The following DCC variants were observed in gnomAD, a reference collection of about 807,000 sequenced individuals.
The protein encoded by DCC is DCC netrin 1 receptor, also known as netrin receptor DCC.
Under a neutral mutation model 172.5 loss-of-function variants are expected in DCC, and 58 were observed. The observed-to-expected ratio is 0.34, with a 90% CI of 0.27 to 0.42. The LOEUF (loss-of-function observed/expected upper bound fraction) is 0.42. DCC is among the 10% of genes least tolerant of loss of function. DCC has a pLI of 1.00. For missense variants in DCC, 1,740 were observed against 1,791.0 expected, an observed-to-expected ratio of 0.97 and a Z score of 0.51; for synonymous variants, 709 against 644.5, an observed-to-expected ratio of 1.10 and a Z score of -1.52.
intron 5 of DCC, among the ~76,000 whole-genome samples, chr18:52,926,335 A>G (rs922097485): frequency 6.6e-6 from 1 of 151,920 alleles, no homozygotes; most frequent in African/African-American, 2.4e-5. Flanking sequence ...AATAATGTAT[A>G]TCATGGGTTA....
At chr18:53,274,157 C>T (rs913896813) in intron 12 of DCC, among the ~76,000 whole-genome samples, 2 of 152,056 alleles carry the variant, frequency 1.3e-5, no homozygotes, top group African/African-American at 4.8e-5. Flanking sequence ...CAATAAATTG[C>T]ATATATATAT....
At chr18:52,862,541 T>C (rs1598877322) in intron 2 of DCC, among the ~76,000 whole-genome samples, 1 of 151,902 alleles carries the variant, frequency 6.6e-6, no homozygotes, top group South Asian at 2.1e-4. Flanking sequence ...CTACTAAAAA[T>C]ACAAAAATTA....
At chr18:53,053,403 A>G (rs1370492769) in intron 5 of DCC, among the ~76,000 whole-genome samples, 1 of 151,874 alleles carries the variant, frequency 6.6e-6, no homozygotes, top group South Asian at 2.1e-4. Flanking sequence ...TCATTCTTTG[A>G]CTGCTGTGGG....
rs879291830 is a variant in DCC at position 52,813,829 on chromosome 18, CT to C, written c.412+61456del. Among the ~76,000 whole-genome samples the C allele has an allele frequency of 2.6e-3, 397 of 152,290 alleles. 1 individual carries two copies. The highest frequency in any genetic ancestry group is 0.014 in the Middle Eastern group (4 of 294). ...TGCTTCAGCTGGATATTGGTCTTTT[CT>C]GGCCTTCAGACCAGACTGCAATGAT... On this transcript the variant is annotated intron_variant, in intron 2 of 28. Coordinates refer to ENST00000442544, the MANE Select transcript of DCC (RefSeq NM_005215.4).
chr18:53,472,132 CA>C (rs2045704710), intron 25 of DCC, among the ~76,000 whole-genome samples: 1 of 152,120 alleles, frequency 6.6e-6, no homozygotes, highest in Non-Finnish European at 1.5e-5. Flanking sequence ...ATAATAAGTG[CA>C]AAAACTTACA....
At chr18:53,303,349 ACGTCTTTTTGG>A (rs1383157606) in intron 12 of DCC, among the ~76,000 whole-genome samples, 10 of 152,226 alleles carry the variant, frequency 6.6e-5, no homozygotes, top group Non-Finnish European at 1.2e-4. Context: ...GGTATTAATG[ACGTCTTTTTGG>A]ATTTCATTCT....
At chr18:52,707,119 C>T (rs1196107370) in intron 1 of DCC, among the ~76,000 whole-genome samples, 1 of 152,092 alleles carries the variant, frequency 6.6e-6, no homozygotes, top group Non-Finnish European at 1.5e-5. Context: ...TACTGTGATT[C>T]AGGAAAGGAA....
intron 1 of DCC, among the ~76,000 whole-genome samples, chr18:52,401,886 G>A (rs1218411217): frequency 1.3e-5 from 2 of 151,846 alleles, no homozygotes; most frequent in Non-Finnish European, 2.9e-5. Context: ...CTACAAAAAT[G>A]TAAAATTGTG....
chr18:53,428,324 A>G (rs1599139017), intron 21 of DCC, among the ~76,000 whole-genome samples: 1 of 37,464 alleles, frequency 2.7e-5, no homozygotes, highest in African/African-American at 9.8e-5. Flanking sequence ...TATATAATAT[A>G]ATATAATATA....
intron 1 of DCC, among the ~76,000 whole-genome samples, chr18:52,350,886 G>A (rs752824215): frequency 2.0e-5 from 3 of 152,026 alleles, no homozygotes; most frequent in Non-Finnish European, 2.9e-5. Flanking sequence ...CCAGACTTTC[G>A]TGACCCTTTC....
chr18:52,896,038 G>A (rs2039723868), intron 2 of DCC, among the ~76,000 whole-genome samples: 1 of 152,116 alleles, frequency 6.6e-6, no homozygotes, highest in South Asian at 2.1e-4. Flanking sequence ...GCCTGCTTAG[G>A]CCTCCCAAAG....
chr18:52,688,655 A>C lies in DCC; in HGVS notation c.92-63399A>C, dbSNP rs139348422. Among the ~76,000 whole-genome samples, 1,223 of 152,188 alleles carry C rather than the reference A, an allele frequency of 8.0e-3. 18 individuals carry two copies. The highest frequency in any genetic ancestry group is 0.028 in the African/African-American group (1,165 of 41,534). On this transcript the variant is annotated intron_variant, in intron 1 of 28. Transcript: ENST00000442544. ...AGCTGCCCTTGTCACTAAAATAAAC[A>C]AAAAAAGGGTAACTGTATGAAATGA...
At chr18:52,890,791 C>T (rs2039637585) in intron 2 of DCC, among the ~76,000 whole-genome samples, 1 of 152,048 alleles carries the variant, frequency 6.6e-6, no homozygotes, top group South Asian at 2.1e-4. Context: ...CATCTCAAAT[C>T]CCCAAATTCT....
intron 12 of DCC, among the ~76,000 whole-genome samples, chr18:53,249,560 G>T (rs2056404029): frequency 6.6e-6 from 1 of 151,878 alleles, no homozygotes; most frequent in South Asian, 2.1e-4. Context: ...GAAATGTGGG[G>T]TAGAATTAAT....
At chr18:52,575,223 A>T (rs1289956601) in intron 1 of DCC, among the ~76,000 whole-genome samples, 1 of 152,186 alleles carries the variant, frequency 6.6e-6, no homozygotes, top group Non-Finnish European at 1.5e-5. Context: ...TTCTCTCTGT[A>T]TCCATTCTGT....
At chr18:52,989,105 G>A (rs2041340963) in intron 5 of DCC, among the ~76,000 whole-genome samples, 1 of 151,458 alleles carries the variant, frequency 6.6e-6, no homozygotes, top group African/African-American at 2.4e-5. Flanking sequence ...GTGAGTGGAG[G>A]GATAGAGAGA....
At chr18:53,406,702 T>A (rs1410403038) in intron 19 of DCC, among the ~76,000 whole-genome samples, 8 of 46,652 alleles carry the variant, frequency 1.7e-4, no homozygotes, top group Admixed American at 4.0e-4. Flanking sequence ...AGACTCTGTC[T>A]CAAAAAAAAA....
intron 2 of DCC, among the ~76,000 whole-genome samples, chr18:52,778,772 T>C (rs899182675): frequency 1.3e-5 from 2 of 152,252 alleles, no homozygotes; most frequent in Non-Finnish European, 2.9e-5. Context: ...CAAGATATTC[T>C]GTTTTATTAT....
chr18:53,101,094 C>A (rs1001723602), intron 7 of DCC, among the ~76,000 whole-genome samples: 4 of 152,062 alleles, frequency 2.6e-5, no homozygotes, highest in African/African-American at 9.7e-5. Flanking sequence ...TTTTACTTTA[C>A]ATGTGAGATA....
Sources: gnomAD v4.1 joint callset for allele counts (sites outside exome capture counted in the v4.1 genomes callset) on GRCh38, gnomAD v4.1.1 for gene constraint, MANE v1.5 for transcripts, NCBI Gene and HGNC (gene_info 2026-07-23, HGNC 2026-07-21) for gene names.